SUCLG2: variants seen among roughly 807,000 people sequenced by gnomAD.
SUCLG2 encodes succinate--CoA ligase [GDP-forming] subunit beta, mitochondrial.
SUCLG2 carries 42 observed loss-of-function variants against 47.9 expected under a neutral mutation model. That is an observed-to-expected ratio of 0.88 (90% confidence interval 0.69 to 1.14). The LOEUF (loss-of-function observed/expected upper bound fraction) is 1.14. Ranked by LOEUF, SUCLG2 falls within the 50% of genes most tolerant of loss-of-function variation. SUCLG2 has a pLI of 0.00. For synonymous variants in SUCLG2, 195 were observed against 197.3 expected (o/e 0.99, Z 0.10); for missense variants, 571 against 525.9 (o/e 1.09, Z -0.84).
At chr3:67,613,289 A>G (rs1227044391) in intron 1 of SUCLG2, among the ~76,000 whole-genome samples, 1 of 152,148 alleles carries the variant, frequency 6.6e-6, no homozygotes, top group Non-Finnish European at 1.5e-5. Flanking sequence ...GACTCCAACC[A>G]CTAGTCATCT....
intron 2 of SUCLG2, among the ~76,000 whole-genome samples, chr3:67,550,217 T>C (rs1706977320): frequency 6.6e-6 from 1 of 152,270 alleles, no homozygotes; most frequent in African/African-American, 2.4e-5. Context: ...GCCACATTAC[T>C]GCATCTCAAG....
intron 2 of SUCLG2, among the ~76,000 whole-genome samples, chr3:67,571,555 G>C (rs139468805): frequency 7.9e-5 from 12 of 152,166 alleles, no homozygotes; most frequent in African/African-American, 1.4e-4. Flanking sequence ...TATCTCATTT[G>C]TAAATGAAAC....
At chr3:67,629,109 C>A (rs757574253) in intron 1 of SUCLG2, among the ~76,000 whole-genome samples, 2 of 152,206 alleles carry the variant, frequency 1.3e-5, no homozygotes, top group Admixed American at 6.5e-5. Flanking sequence ...TGAAGAGAGG[C>A]TGAGCACCAT....
chr3:67,421,158 C>T (rs1394053073), intron 9 of SUCLG2, among the ~76,000 whole-genome samples: 1 of 152,108 alleles, frequency 6.6e-6, no homozygotes, highest in Non-Finnish European at 1.5e-5. Context: ...CTGGGCCCAT[C>T]TGACCATGCA....
At chr3:67,631,005 A>G (rs988546713) in intron 1 of SUCLG2, among the ~76,000 whole-genome samples, 4 of 152,216 alleles carry the variant, frequency 2.6e-5, no homozygotes, top group African/African-American at 9.6e-5. Flanking sequence ...CCAATGTCCT[A>G]TGAAGAAGAC....
chr3:67,495,978 T>G (rs376636098), intron 8 of SUCLG2, 38 bp from the exon 9 acceptor site: 4 of 1,612,574 alleles, frequency 2.5e-6, no homozygotes, highest in African/African-American at 2.7e-5. Flanking sequence ...AGGCTACATT[T>G]AGCAACATGA....
chr3:67,526,039 G>A (rs1453331112), intron 4 of SUCLG2, among the ~76,000 whole-genome samples: 1 of 152,142 alleles, frequency 6.6e-6, no homozygotes, highest in Non-Finnish European at 1.5e-5. Context: ...AAAATATATT[G>A]TTTCACAGTT....
At chr3:67,505,296 C>T (rs925644738) in intron 7 of SUCLG2, among the ~76,000 whole-genome samples, 2 of 152,184 alleles carry the variant, frequency 1.3e-5, no homozygotes, top group Non-Finnish European at 2.9e-5. Flanking sequence ...AGGCCTTAAG[C>T]CAGTCCACAC....
chr3:67,508,757 A>G, intron 7 of SUCLG2, 50 bp downstream of exon 7: 11 of 1,393,474 alleles, frequency 7.9e-6, no homozygotes, highest in Non-Finnish European at 1.1e-5. Context: ...TAGTTTGCAT[A>G]AATAATTATA....
At chr3:67,642,808 A>G (rs764936009) in intron 1 of SUCLG2, among the ~76,000 whole-genome samples, 20 of 152,178 alleles carry the variant, frequency 1.3e-4, no homozygotes, top group Non-Finnish European at 2.1e-4. Flanking sequence ...TCCAGACACC[A>G]TTAATAGCCA....
chr3:67,536,582 GTCT>G (rs1706548949), intron 2 of SUCLG2, among the ~76,000 whole-genome samples: 1 of 152,138 alleles, frequency 6.6e-6, no homozygotes, highest in South Asian at 2.1e-4. Flanking sequence ...CTGCCCAGTC[GTCT>G]TCTTCTCATT....
chr3:67,589,520 A>C (rs1283865615), intron 2 of SUCLG2, among the ~76,000 whole-genome samples: 1 of 152,238 alleles, frequency 6.6e-6, no homozygotes, highest in Non-Finnish European at 1.5e-5. Context: ...TACTGGCCTC[A>C]TAATTAGACT....
At chr3:67,652,607 T>C (rs1009974229) in intron 1 of SUCLG2, among the ~76,000 whole-genome samples, 1 of 152,220 alleles carries the variant, frequency 6.6e-6, no homozygotes, top group African/African-American at 2.4e-5. Context: ...AATGTGTCAG[T>C]GGTGCTAATG....
At chr3:67,457,798 T>A (rs181291917) in intron 9 of SUCLG2, among the ~76,000 whole-genome samples, 6 of 149,576 alleles carry the variant, frequency 4.0e-5, no homozygotes, top group African/African-American at 1.2e-4. Context: ...TTACCATGCA[T>A]GAGACACAGT....
chr3:67,473,122 G>A (rs1704645050), intron 9 of SUCLG2, among the ~76,000 whole-genome samples: 1 of 152,188 alleles, frequency 6.6e-6, no homozygotes, highest in African/African-American at 2.4e-5. Flanking sequence ...ACTGGAAGTA[G>A]ATAAGTCAAA....
intron 10 of SUCLG2, chr3:67,360,917 C>T (rs892906070): frequency 4.7e-5 from 31 of 665,904 alleles, no homozygotes; most frequent in Admixed American, 7.2e-5. Context: ...GAGGAATATG[C>T]TTTGAGGACT....
rs557264145 is a variant in SUCLG2 at position 67,605,635 on chromosome 3, T to A, written c.226+3820A>T. 2.6e-5 allele frequency among the ~76,000 whole-genome samples: 4 copies of A among 152,168 alleles called. No homozygotes were observed. The East Asian group carries it at 7.8e-4, about 30-fold the overall frequency. On this transcript the variant is annotated intron_variant, in intron 2 of 10. Coordinates refer to ENST00000307227, the MANE Select transcript of SUCLG2 (RefSeq NM_003848.4). ...GTTGGCCATACCACCTTAAGGAGCA[T>A]CATAGATATGCACTGGTGAAACCTG...
intron 2 of SUCLG2, among the ~76,000 whole-genome samples, chr3:67,560,907 C>A (rs1707292060): frequency 1.3e-5 from 2 of 151,270 alleles, no homozygotes; most frequent in Non-Finnish European, 2.9e-5. Flanking sequence ...CAGATAAGCT[C>A]CCCTCCCAAC....
At chr3:67,400,888 T>C (rs1702669204) in intron 9 of SUCLG2, 37 bp from the exon 10 acceptor site, 1 of 1,611,038 alleles carries the variant, frequency 6.2e-7, no homozygotes. Flanking sequence ...ATCAAAATGC[T>C]GATCGCCAAC....
Sources: allele counts gnomAD v4.1 joint callset (sites outside exome capture counted in the v4.1 genomes callset), GRCh38; gene constraint gnomAD v4.1.1; transcripts MANE v1.5; gene names NCBI Gene and HGNC (gene_info 2026-07-23, HGNC 2026-07-21).